Variants in SMARCA4 observed in about 807,000 individuals in gnomAD.
SMARCA4 encodes the protein SWI/SNF-related matrix-associated actin-dependent regulator of chromatin subfamily A member 4.
In SMARCA4, 31 loss-of-function variants were observed where a neutral mutation model predicts 193.9. That is an observed-to-expected ratio of 0.16 (90% CI 0.12 to 0.22). The LOEUF (loss-of-function observed/expected upper bound fraction) is 0.22. Among genes scored for constraint, SMARCA4 ranks in the 10% least tolerant of loss-of-function variants. SMARCA4 has a pLI of 1.00. For synonymous variants in SMARCA4, 942 were observed against 933.1 expected (o/e 1.01, Z -0.17); for missense variants, 1,148 against 2,296.0 (o/e 0.50, Z 10.22).
intron 1 of SMARCA4, among the ~76,000 whole-genome samples, chr19:10,971,118 C>T (rs2084635519): frequency 6.6e-6 from 1 of 152,148 alleles, no homozygotes; most frequent in Non-Finnish European, 1.5e-5. Context: ...ATCACTTGAA[C>T]CCAGGAGGCA....
chr19:10,982,730 T>C (rs2085661318), intron 1 of SMARCA4, among the ~76,000 whole-genome samples: 1 of 152,058 alleles, frequency 6.6e-6, no homozygotes, highest in Non-Finnish European at 1.5e-5. Flanking sequence ...GGTCTCGATC[T>C]CCTGACCTCG....
intron 16 of SMARCA4, chr19:11,016,012 A>G (rs1165265004): frequency 7.1e-6 from 1 of 141,700 alleles, no homozygotes; most frequent in Non-Finnish European, 1.6e-5. Flanking sequence ...ACGCCTTCTC[A>G]AAAAAAAAAA....
Position 10,985,181 on chromosome 19 carries a change from G to A in SMARCA4, c.223-92G>A, listed in dbSNP as rs182514124. 1.2e-4 allele frequency: 167 copies of A among 1,385,316 alleles called. No homozygotes were observed. In the African/African-American group the frequency reaches 2.0e-3, roughly 17 times the overall value. The allele number at this position is 1,385,316 out of a possible 1,614,324, so 85.8% of individuals were successfully genotyped here. ...GCGTCATCTTCGGGTGGCTGTTCTC[G>A]GTGCCCTCGAGCTTCTCTCGGGCAG... On this transcript the variant is annotated intron_variant, in intron 2 of 34. Transcript: ENST00000344626. This position sits in a 1 kb window ranked among gnomAD's most constrained non-coding sequence, Gnocchi z 4.5.
intron 11 of SMARCA4, among the ~76,000 whole-genome samples, chr19:10,999,046 GCGCA>G (rs2087364487): frequency 6.6e-6 from 1 of 151,950 alleles, no homozygotes; most frequent in Admixed American, 6.6e-5. Flanking sequence ...GGGGCTACAG[GCGCA>G]CGCCACCATG....
chr19:11,034,938 G>A lies in SMARCA4; in HGVS notation c.3976G>A (p.Glu1326Lys), dbSNP rs1482864360. The A allele has an allele frequency of 5.1e-6, 8 of 1,580,918 alleles. No homozygotes were observed. Among genetic ancestry groups the A allele is most frequent in the Non-Finnish European group, 6.9e-6 (8 of 1,165,062 alleles). Residue 1326 changes from glutamate to lysine, a missense_variant, in exon 29 of 35, where the codon GAG becomes AAG. Coordinates refer to ENST00000344626, the MANE Select transcript of SMARCA4 (RefSeq NM_003072.5). This position sits in a 1 kb window ranked among gnomAD's most constrained non-coding sequence, Gnocchi z 7.0. The part of the protein sequence containing the change: ...FMRMDLDRRR[E>K]EARNPKRKPR... ...GCGCATGGACCTGGACCGCAGGCGC[G>A]AGGAGGCCCGCAACCCCAAGCGGAA...
At chr19:11,061,204 A>AAAAAAAAAAAAAAATATAT (rs1555797070) in intron 34 of SMARCA4, among the ~76,000 whole-genome samples, 1 of 45,226 alleles carries the variant, frequency 2.2e-5, no homozygotes, top group African/African-American at 1.1e-4. Context: ...AAAAAAAAAA[A>AAAAAAAAAAAAAAATATAT]ATATATATAT....
At chr19:10,991,503 G>A (rs1397334621) in intron 8 of SMARCA4, among the ~76,000 whole-genome samples, 180 bp downstream of exon 8, 1 of 152,244 alleles carries the variant, frequency 6.6e-6, no homozygotes, top group Non-Finnish European at 1.5e-5. Context: ...CAATGGTAGG[G>A]AGAAGATAGT....
chr19:11,002,199 T>C lies in SMARCA4; in HGVS notation c.1813-830T>C, dbSNP rs780442849. Among the ~76,000 whole-genome samples, 49 of 152,290 alleles carry C rather than the reference T, an allele frequency of 3.2e-4. 1 individual carries two copies. Among genetic ancestry groups the C allele is most frequent in the Non-Finnish European group, 5.9e-4 (40 of 68,028 alleles). ...AGAAGAATGGGGAGAGCCCACATGA[T>C]GCTCTTCAGTTTTCGTTAAAAAAAT... On this transcript the variant is annotated intron_variant, in intron 11 of 34. Coordinates refer to ENST00000344626, the MANE Select transcript of SMARCA4 (RefSeq NM_003072.5).
Position 10,986,543 on chromosome 19 carries a change from G to T in SMARCA4, c.710G>T (p.Gly237Val). ...ATGPGPGPGP[G>V]PGPGPGPAPP... The stretch of plus-strand genomic sequence containing the variant: ...GGACCCGGCCCTGGCCCTGGCCCTG[G>T]CCCCGGCCCGGGTCCCGGCCCGGCA... The change falls in exon 4 of 35, where the codon GGC (glycine) becomes GTC (valine). Residue 237 changes from glycine (G) to valine (V), a missense_variant. By Grantham distance (109) the Gly-to-Val change is moderately radical (BLOSUM62 -3). Transcript: ENST00000344626. The surrounding 1 kb of genome is among the most constrained non-coding windows in gnomAD (Gnocchi z 6.7). 1 of 1,540,398 alleles carries T rather than the reference G, an allele frequency of 6.5e-7. No homozygotes were observed.
intron 13 of SMARCA4, among the ~76,000 whole-genome samples, chr19:11,004,628 A>G (rs554078057): frequency 1.3e-5 from 2 of 152,070 alleles, no homozygotes; most frequent in Non-Finnish European, 1.5e-5. Context: ...TTTACTTTCA[A>G]CCTGAATCTA....
chr19:11,059,666 AGGGCTG>A (rs1221862048), intron 32 of SMARCA4, 81 bp from the exon 33 acceptor site: 71 of 1,461,078 alleles, frequency 4.9e-5, no homozygotes, highest in South Asian at 7.3e-5. Context: ...GGGGCAACAC[AGGGCTG>A]GGGCTGGGGC....
intron 1 of SMARCA4, among the ~76,000 whole-genome samples, chr19:10,979,178 A>G (rs1268589425): frequency 6.6e-6 from 1 of 151,888 alleles, no homozygotes; most frequent in Non-Finnish European, 1.5e-5. Context: ...GTGTGTGTAG[A>G]TGATACAACT....
chr19:11,002,799 C>CAAAAAAAAA (rs747143883), intron 11 of SMARCA4, among the ~76,000 whole-genome samples: 4 of 83,670 alleles, frequency 4.8e-5, no homozygotes, highest in Admixed American at 2.8e-4. Flanking sequence ...GACTCCGTCT[C>CAAAAAAAAA]AAAAAAAAAA....
intron 30 of SMARCA4, among the ~76,000 whole-genome samples, chr19:11,046,919 C>T (rs2075958549): frequency 7.0e-6 from 1 of 142,360 alleles, no homozygotes; most frequent in Non-Finnish European, 1.5e-5. Context: ...CTGCACTCCA[C>T]CATGGGTGAC....
chr19:11,039,312 C>A, intron 29 of SMARCA4: 1 of 509,412 alleles, frequency 2.0e-6, no homozygotes, highest in Non-Finnish European at 3.4e-6. Flanking sequence ...CAAGATCGCA[C>A]CACTGCACTC....
rs921862740 is a variant in SMARCA4 at position 11,018,559 on chromosome 19, A to G, written c.2439-398A>G. Among the ~76,000 whole-genome samples the G allele has an allele frequency of 7.9e-5, 12 of 152,138 alleles. No individual in the cohort carries two copies. The South Asian group carries it at 1.0e-3, about 13-fold the overall frequency. ...GCAGAAAGACTGTTTGGTGTCTCCT[A>G]TATCCTCAGGTCTCCACAGCACTGT... On this transcript the variant is annotated intron_variant, in intron 16 of 34. Transcript: ENST00000344626.
At chr19:11,021,149 C>T (rs1422096518) in intron 18 of SMARCA4, 1 of 198,304 alleles carries the variant, frequency 5.0e-6, no homozygotes, top group African/African-American at 2.3e-5. Context: ...CTCTGAAACC[C>T]CGTGCTCCCC....
rs776672640 is a variant in SMARCA4, at chr19:11,033,806, G to A, written c.3814G>A (p.Ala1272Thr). Residue 1272 changes from alanine (A) to threonine (T), a missense_variant, in exon 27 of 35, where the codon GCC becomes ACC. Transcript: ENST00000344626. This position sits in a 1 kb window ranked among gnomAD's most constrained non-coding sequence, Gnocchi z 9.8. ...CACGGGCAGCGGCAGTGCCAGCTTC[G>A]CCCACACTGCCCCTCCGCCAGCGGG... ...CSTGSGSASF[A>T]HTAPPPAGVN... 7 of 779,670 alleles carry A rather than the reference G, an allele frequency of 9.0e-6. No homozygotes were observed. The highest frequency in any genetic ancestry group is 1.7e-5 in the Admixed American group (1 of 59,042). 48.3% of individuals were successfully genotyped at this position (779,670 alleles called of 1,614,324 possible).
chr19:11,027,162 C>T (rs555296109), intron 23 of SMARCA4, among the ~76,000 whole-genome samples: 8 of 152,292 alleles, frequency 5.3e-5, no homozygotes, highest in South Asian at 4.1e-4. Flanking sequence ...AGAAGAGAGG[C>T]GCCTAATGAA....
Sources: gnomAD v4.1 joint callset for allele counts (sites outside exome capture counted in the v4.1 genomes callset) on GRCh38, gnomAD v4.1.1 for gene constraint, Gnocchi (gnomAD v3.1) non-coding constraint, MANE v1.5 for transcripts, NCBI Gene and HGNC (gene_info 2026-07-23, HGNC 2026-07-21) for gene names.